The following MAP3K20 variants were observed in gnomAD, a reference collection of about 807,000 sequenced individuals.
MAP3K20 encodes HCCS-4.
In MAP3K20, 40 loss-of-function variants were observed where a neutral mutation model predicts 85.7. The ratio of observed to expected loss-of-function variants is 0.47; its 90% confidence interval spans 0.36 to 0.61. The LOEUF is 0.61. Ranked by LOEUF, MAP3K20 falls within the 20% of genes least tolerant of loss-of-function variation. MAP3K20 has a pLI of 0.00. For missense variants in MAP3K20, 817 were observed against 961.7 expected, an observed-to-expected ratio of 0.85 and a Z score of 1.99; for synonymous variants, 325 against 327.7, an observed-to-expected ratio of 0.99 and a Z score of 0.09.
At chr2:173,159,250 C>T (rs980516655) in intron 2 of MAP3K20, among the ~76,000 whole-genome samples, 3 of 152,176 alleles carry the variant, frequency 2.0e-5, no homozygotes, top group East Asian at 1.9e-4. Flanking sequence ...ATGATTGCTT[C>T]GACCAAGTTG....
intron 2 of MAP3K20, among the ~76,000 whole-genome samples, chr2:173,139,146 T>C (rs987963757): frequency 3.3e-5 from 5 of 152,210 alleles, no homozygotes; most frequent in African/African-American, 1.2e-4. Context: ...ATGAAGCAAG[T>C]GTGTATGATT....
intron 2 of MAP3K20, among the ~76,000 whole-genome samples, chr2:173,122,660 TTTG>T (rs966870282): frequency 2.0e-5 from 3 of 152,020 alleles, no homozygotes; most frequent in South Asian, 2.1e-4. Context: ...GGACCTACGT[TTTG>T]TTGTTGTTGT....
At chr2:173,179,702 G>GCACACACACACACACA (rs1491499756) in intron 3 of MAP3K20, among the ~76,000 whole-genome samples, 3 of 76,078 alleles carry the variant, frequency 3.9e-5, no homozygotes, top group African/African-American at 1.5e-4. Context: ...CCTAAGGAAT[G>GCACACACACACACACA]CGCACACACA....
intron 13 of MAP3K20, 22 bp downstream of exon 13, chr2:173,232,244 CT>C: frequency 6.2e-7 from 1 of 1,614,206 alleles, no homozygotes; most frequent in South Asian, 1.1e-5. Context: ...AAGTTACCTT[CT>C]TCAATCATGG....
chr2:173,216,075 CCT>C (rs1684063217), intron 10 of MAP3K20, among the ~76,000 whole-genome samples: 1 of 152,200 alleles, frequency 6.6e-6, no homozygotes, highest in Admixed American at 6.5e-5. Context: ...TTCCCTCTCC[CCT>C]CTCCCTCATT....
chr2:173,151,652 G>T (rs1338557331), intron 2 of MAP3K20, among the ~76,000 whole-genome samples: 1 of 152,194 alleles, frequency 6.6e-6, no homozygotes, highest in Non-Finnish European at 1.5e-5. Context: ...GTGATTTTGA[G>T]AATTTATATT....
At chr2:173,085,274 T>C (rs1687115328) in intron 1 of MAP3K20, among the ~76,000 whole-genome samples, 1 of 152,174 alleles carries the variant, frequency 6.6e-6, no homozygotes, top group South Asian at 2.1e-4. Flanking sequence ...GTAAATGACT[T>C]ATTTGAGGTC....
At chr2:173,236,609 A>G (rs1028031767) in intron 14 of MAP3K20, among the ~76,000 whole-genome samples, 1 of 152,132 alleles carries the variant, frequency 6.6e-6, no homozygotes, top group African/African-American at 2.4e-5. Context: ...CCTCCCCCTT[A>G]CTGCCAAGGC....
chr2:173,256,272 G>A (rs533380581), intron 16 of MAP3K20, among the ~76,000 whole-genome samples: 12 of 152,256 alleles, frequency 7.9e-5, no homozygotes, highest in Admixed American at 4.6e-4. Context: ...TATTTATGAG[G>A]GCATTTTCAG....
At chr2:173,261,195 A>C in intron 18 of MAP3K20, 58 bp downstream of exon 18, 14 of 1,552,682 alleles carry the variant, frequency 9.0e-6, no homozygotes, top group Non-Finnish European at 1.2e-5. Flanking sequence ...ATATAAATTT[A>C]TCTGTTATCT....
At chr2:173,076,631 G>C (rs1686870697) in intron 1 of MAP3K20, among the ~76,000 whole-genome samples, 1 of 152,252 alleles carries the variant, frequency 6.6e-6, no homozygotes. Flanking sequence ...GAACACTAAA[G>C]ATTAGTTTTA....
chr2:173,118,649 T>C (rs1224278323), intron 2 of MAP3K20, among the ~76,000 whole-genome samples: 1 of 152,224 alleles, frequency 6.6e-6, no homozygotes, highest in African/African-American at 2.4e-5. Context: ...TTAGAGAATG[T>C]ATTTGGCAAG....
chr2:173,253,239 T>C (rs1474100288), intron 16 of MAP3K20, among the ~76,000 whole-genome samples: 1 of 152,208 alleles, frequency 6.6e-6, no homozygotes, highest in Non-Finnish European at 1.5e-5. Flanking sequence ...TGGAGCTGTG[T>C]TGGTGACCAT....
chr2:173,239,821 A>G (rs1684740301), intron 16 of MAP3K20, among the ~76,000 whole-genome samples: 2 of 152,212 alleles, frequency 1.3e-5, no homozygotes, highest in African/African-American at 2.4e-5. Context: ...CTGCTGATTC[A>G]TAAGAGAAAG....
intron 2 of MAP3K20, among the ~76,000 whole-genome samples, chr2:173,092,415 CTTTT>C (rs1357570228): frequency 6.6e-6 from 1 of 152,198 alleles, no homozygotes; most frequent in African/African-American, 2.4e-5. Flanking sequence ...GAACCTAGCC[CTTTT>C]AGCTGATCAA....
intron 2 of MAP3K20, among the ~76,000 whole-genome samples, chr2:173,147,313 A>T (rs1013260706): frequency 6.6e-6 from 1 of 152,234 alleles, no homozygotes; most frequent in African/African-American, 2.4e-5. Flanking sequence ...TAAGAGTTTT[A>T]TAGTTTTAGC....
chr2:173,091,921 C>T (rs969365697), intron 2 of MAP3K20, among the ~76,000 whole-genome samples: 2 of 152,214 alleles, frequency 1.3e-5, no homozygotes, highest in Non-Finnish European at 2.9e-5. Context: ...AGGGACTCAG[C>T]AGCATTGATA....
chr2:173,255,256 C>T (rs77864891), intron 16 of MAP3K20, among the ~76,000 whole-genome samples: 5,708 of 152,206 alleles, frequency 0.038, 363 homozygotes, highest in African/African-American at 0.13. Flanking sequence ...ATCTCTGGTC[C>T]TTCTTCCGCC....
intron 4 of MAP3K20, 141 bp from the exon 5 acceptor site, chr2:173,187,415 TTC>T: frequency 1.6e-6 from 1 of 628,574 alleles, no homozygotes; most frequent in Non-Finnish European, 2.7e-6. Context: ...TGTAGACATA[TTC>T]TGTTTTCATT....
Sources: allele counts gnomAD v4.1 joint callset (sites outside exome capture counted in the v4.1 genomes callset), GRCh38; gene constraint gnomAD v4.1.1; transcripts MANE v1.5; gene names NCBI Gene and HGNC (gene_info 2026-07-23, HGNC 2026-07-21).